Variants in PAPPA2 observed in about 807,000 individuals in gnomAD.
PAPPA2 encodes the protein pappalysin 2.
In PAPPA2, 86 loss-of-function variants were observed where a neutral mutation model predicts 176.4. The observed-to-expected ratio is 0.49, with a 90% CI of 0.41 to 0.58. The LOEUF (loss-of-function observed/expected upper bound fraction) is 0.58, where lower values mean the gene tolerates loss of function less well. Ranked by LOEUF, PAPPA2 falls within the 20% of genes least tolerant of loss-of-function variation. PAPPA2 has a pLI of 0.00. For missense variants in PAPPA2, 2,073 were observed against 2,256.9 expected, an observed-to-expected ratio of 0.92 and a Z score of 1.65; for synonymous variants, 809 against 852.2, an observed-to-expected ratio of 0.95 and a Z score of 0.88.
At chr1:176,472,462 T>C (rs1248794689) in intron 1 of PAPPA2, among the ~76,000 whole-genome samples, 2 of 152,192 alleles carry the variant, frequency 1.3e-5, no homozygotes, top group Non-Finnish European at 2.9e-5. Flanking sequence ...CTATCTCATA[T>C]GACAAGTCAG....
At chr1:176,653,110 G>A (rs951713056) in intron 3 of PAPPA2, among the ~76,000 whole-genome samples, 3 of 151,700 alleles carry the variant, frequency 2.0e-5, no homozygotes, top group East Asian at 3.9e-4. Context: ...GAAAAGGTGA[G>A]CATGGAAGTA....
intron 1 of PAPPA2, among the ~76,000 whole-genome samples, chr1:176,540,105 A>G (rs10913199): frequency 0.022 from 3,351 of 152,230 alleles, 109 homozygotes; most frequent in African/African-American, 0.07. Context: ...AATGGTCAAA[A>G]TTTCTCATGG....
At chr1:176,543,544 C>T (rs970025459) in intron 1 of PAPPA2, among the ~76,000 whole-genome samples, 2 of 152,024 alleles carry the variant, frequency 1.3e-5, no homozygotes, top group African/African-American at 4.8e-5. Flanking sequence ...GGAGGTTTAG[C>T]TCAGCTTCTT....
intron 2 of PAPPA2, among the ~76,000 whole-genome samples, chr1:176,584,281 T>C (rs934467182): frequency 1.3e-5 from 2 of 152,200 alleles, no homozygotes; most frequent in African/African-American, 4.8e-5. Flanking sequence ...GCTCTACCTT[T>C]AGATCTGATA....
chr1:176,821,487 T>G (rs1176612940), intron 21 of PAPPA2, among the ~76,000 whole-genome samples: 1 of 152,222 alleles, frequency 6.6e-6, no homozygotes, highest in Non-Finnish European at 1.5e-5. Context: ...ATAAATGTCT[T>G]AAATAGCAAC....
chr1:176,564,894 C>T (rs1212560701), intron 2 of PAPPA2, among the ~76,000 whole-genome samples: 1 of 151,968 alleles, frequency 6.6e-6, no homozygotes, highest in African/African-American at 2.4e-5. Flanking sequence ...TTTAGTGGCA[C>T]CCAAAAGAAA....
At chr1:176,701,916 A>G (rs1366412932) in intron 8 of PAPPA2, among the ~76,000 whole-genome samples, 1 of 152,122 alleles carries the variant, frequency 6.6e-6, no homozygotes, top group African/African-American at 2.4e-5. Context: ...TCACCACACA[A>G]TCAGTGCACC....
chr1:176,621,365 G>T (rs1391641950), intron 3 of PAPPA2, among the ~76,000 whole-genome samples: 1 of 152,078 alleles, frequency 6.6e-6, no homozygotes, highest in Non-Finnish European at 1.5e-5. Context: ...ATTTTGCCTT[G>T]GGCACAGTGA....
chr1:176,795,299 G>A (rs1397062305), intron 20 of PAPPA2, among the ~76,000 whole-genome samples: 3 of 151,960 alleles, frequency 2.0e-5, no homozygotes, highest in Non-Finnish European at 2.9e-5. Flanking sequence ...CTTCACCCCC[G>A]GTATCTCCTC....
chr1:176,576,226 T>G (rs776567201), intron 2 of PAPPA2, among the ~76,000 whole-genome samples: 9 of 152,200 alleles, frequency 5.9e-5, no homozygotes, highest in Non-Finnish European at 1.3e-4. Flanking sequence ...TCCCCAGTGT[T>G]GCCAAATCTA....
rs540428249 is a variant in PAPPA2, at chr1:176,585,686, T to G, written c.920-8838T>G. ...CTTTTTATTCATTCTTTAAAATATA[T>G]TTTTTTTGTCTGCCTGAGTTATTCC... On this transcript the variant is annotated intron_variant, in intron 2 of 22. Transcript: ENST00000367662. 2.8e-5 allele frequency among the ~76,000 whole-genome samples: 4 copies of G among 142,418 alleles called. No individual in the cohort carries two copies. In the East Asian group the frequency reaches 8.5e-4, roughly 30 times the overall value. The allele number at this position is 142,418 out of a possible 152,430, so 93.4% of individuals were successfully genotyped here. A position where few individuals can be genotyped will look rare whatever the true frequency, so the allele number is the denominator to read the frequency against.
intron 17 of PAPPA2, among the ~76,000 whole-genome samples, chr1:176,783,201 T>C (rs1664794605): frequency 6.6e-6 from 1 of 152,232 alleles, no homozygotes; most frequent in African/African-American, 2.4e-5. Context: ...TATATTTTCC[T>C]ATACAATAGT....
chr1:176,638,313 T>C (rs1656845612), intron 3 of PAPPA2, among the ~76,000 whole-genome samples: 2 of 152,012 alleles, frequency 1.3e-5, no homozygotes, highest in Admixed American at 6.6e-5. Flanking sequence ...AGACAATTCT[T>C]TGGGTATTTC....
intron 14 of PAPPA2, among the ~76,000 whole-genome samples, chr1:176,752,624 C>A (rs1663237746): frequency 6.6e-6 from 1 of 152,130 alleles, no homozygotes; most frequent in African/African-American, 2.4e-5. Context: ...ATTTAGTCAC[C>A]TTCATTGTCT....
chr1:176,515,255 A>G (rs1379137041), intron 1 of PAPPA2, among the ~76,000 whole-genome samples: 2 of 152,166 alleles, frequency 1.3e-5, no homozygotes. Flanking sequence ...GCAGGACACA[A>G]AATAAAGAGT....
intron 3 of PAPPA2, among the ~76,000 whole-genome samples, chr1:176,646,374 C>T (rs528333829): frequency 6.6e-6 from 1 of 151,234 alleles, no homozygotes; most frequent in East Asian, 2.0e-4. Context: ...AATGGGGTAT[C>T]CATCACCTCA....
At chr1:176,656,192 T>G (rs944773120) in intron 3 of PAPPA2, among the ~76,000 whole-genome samples, 23 of 151,894 alleles carry the variant, frequency 1.5e-4, no homozygotes, top group African/African-American at 5.6e-4. Context: ...ACTATATTAA[T>G]GCTGGAGATG....
intron 4 of PAPPA2, among the ~76,000 whole-genome samples, chr1:176,686,330 G>A (rs1337108032): frequency 6.6e-6 from 1 of 152,132 alleles, no homozygotes; most frequent in African/African-American, 2.4e-5. Flanking sequence ...GTGCCAGTAT[G>A]GGAAATGCCA....
chr1:176,623,655 C>CTTTT (rs1342073858), intron 3 of PAPPA2, among the ~76,000 whole-genome samples: 1 of 132,340 alleles, frequency 7.6e-6, no homozygotes, highest in African/African-American at 3.0e-5. Flanking sequence ...TTCTTTCTTT[C>CTTTT]TTTCTTTCTT....
Sources: gnomAD v4.1 joint callset for allele counts (sites outside exome capture counted in the v4.1 genomes callset) on GRCh38, gnomAD v4.1.1 for gene constraint, MANE v1.5 for transcripts, NCBI Gene and HGNC (gene_info 2026-07-23, HGNC 2026-07-21) for gene names.